Variants in SORCS3 observed in about 807,000 individuals in gnomAD.
The protein encoded by SORCS3 is sortilin related VPS10 domain containing receptor 3.
Under a neutral mutation model 146.3 loss-of-function variants are expected in SORCS3, and 57 were observed. That is an observed-to-expected ratio of 0.39 (90% CI 0.31 to 0.49). SORCS3 has a LOEUF of 0.49. SORCS3 is among the 20% of genes least tolerant of loss of function. The pLI, the probability that SORCS3 is intolerant of heterozygous loss-of-function variation, is 0.92. For synonymous variants in SORCS3, 653 were observed against 618.5 expected (o/e 1.06, Z -0.83); for missense variants, 1,341 against 1,575.5 (o/e 0.85, Z 2.52).
At chr10:104,965,505 G>A (rs529132995) in intron 3 of SORCS3, among the ~76,000 whole-genome samples, 137 of 152,314 alleles carry the variant, frequency 9.0e-4, no homozygotes, top group Middle Eastern at 6.8e-3. Flanking sequence ...ACTGTTTTCT[G>A]TAGTGGCTGC....
At chr10:105,030,670 G>T (rs2055260452) in intron 4 of SORCS3, among the ~76,000 whole-genome samples, 1 of 151,110 alleles carries the variant, frequency 6.6e-6, no homozygotes, top group South Asian at 2.1e-4. Context: ...TTGGCTCACT[G>T]CAACCTCCAC....
chr10:105,210,590 C>T (rs1013925984), intron 16 of SORCS3, among the ~76,000 whole-genome samples: 3 of 152,162 alleles, frequency 2.0e-5, no homozygotes, highest in African/African-American at 7.2e-5. Flanking sequence ...TTTCTTTCTT[C>T]ATTTTATTAT....
In SORCS3 at chr10:105,247,323, C is replaced by A; in HGVS notation, c.3097C>A (p.Leu1033Met). ...KDIGNVIKRA[L>M]VKVTSVPEDQ... ...TATTGGCAATGTCATCAAGCGAGCT[C>A]TGGTTAAAGTAAGTTGGCTTTGTCT... Residue 1033 changes from leucine (L) to methionine (M), a missense_variant, in exon 22 of 27, where the codon CTG becomes ATG. Leu to Met is a conservative substitution (Grantham distance 15). Coordinates refer to ENST00000369701, the MANE Select transcript of SORCS3 (RefSeq NM_014978.3). The A allele has an allele frequency of 6.3e-7, 1 of 1,596,630 alleles. No individual in the cohort carries two copies. Among genetic ancestry groups the A allele is most frequent in the South Asian group, 1.1e-5 (1 of 90,260 alleles).
chr10:105,025,702 C>T (rs971588192), intron 4 of SORCS3, among the ~76,000 whole-genome samples: 1 of 152,044 alleles, frequency 6.6e-6, no homozygotes, highest in African/African-American at 2.4e-5. Context: ...CCCAAATAGA[C>T]TTCAGGTTCC....
chr10:104,693,047 A>T (rs1002709647), intron 1 of SORCS3, among the ~76,000 whole-genome samples: 10 of 152,216 alleles, frequency 6.6e-5, no homozygotes, highest in African/African-American at 2.2e-4. Flanking sequence ...GGCATTCCTC[A>T]TACAGTGAAG....
chr10:104,951,869 C>G (rs2019434477), intron 3 of SORCS3, among the ~76,000 whole-genome samples: 1 of 152,148 alleles, frequency 6.6e-6, no homozygotes, highest in South Asian at 2.1e-4. Context: ...TCAATAGTGT[C>G]CACTTTTGTG....
At chr10:105,032,084 C>T (rs890830806) in intron 4 of SORCS3, among the ~76,000 whole-genome samples, 6 of 152,002 alleles carry the variant, frequency 3.9e-5, no homozygotes, top group Admixed American at 3.9e-4. Context: ...CCCAGCTACT[C>T]GGGAGGCTGA....
chr10:105,211,429 G>A (rs920519864), intron 17 of SORCS3, among the ~76,000 whole-genome samples, 179 bp downstream of exon 17: 26 of 152,198 alleles, frequency 1.7e-4, no homozygotes, highest in Admixed American at 1.6e-3. Flanking sequence ...GGGAGCATCA[G>A]AAGAGATTTC....
chr10:105,119,521 A>G (rs1314730473), intron 7 of SORCS3, among the ~76,000 whole-genome samples: 1 of 152,178 alleles, frequency 6.6e-6, no homozygotes, highest in African/African-American at 2.4e-5. Context: ...TGTGCCTGGA[A>G]AAGTCACAGA....
intron 6 of SORCS3, among the ~76,000 whole-genome samples, chr10:105,091,335 C>T (rs1238009760): frequency 1.1e-5 from 1 of 92,018 alleles, no homozygotes; most frequent in East Asian, 3.7e-4. Flanking sequence ...TTCCTTGCTT[C>T]CTTCCTTCGT....
chr10:105,071,181 C>A (rs1448701623), intron 5 of SORCS3, among the ~76,000 whole-genome samples: 2 of 151,584 alleles, frequency 1.3e-5, no homozygotes, highest in Non-Finnish European at 3.0e-5. Context: ...CTGTGCCTCC[C>A]CATGGGGAGG....
chr10:105,063,486 C>A (rs1418981785), intron 5 of SORCS3, among the ~76,000 whole-genome samples: 1 of 152,210 alleles, frequency 6.6e-6, no homozygotes, highest in African/African-American at 2.4e-5. Context: ...TCCCTACTGT[C>A]TCTCTTTAAT....
chr10:105,255,113 G>A (rs1449214508), intron 23 of SORCS3, among the ~76,000 whole-genome samples: 3 of 150,594 alleles, frequency 2.0e-5, no homozygotes, highest in Non-Finnish European at 4.4e-5. Flanking sequence ...GCGTGAACCC[G>A]GGGGGGCGGA....
At chr10:104,934,491 C>T (rs2019240373) in intron 3 of SORCS3, among the ~76,000 whole-genome samples, 1 of 152,060 alleles carries the variant, frequency 6.6e-6, no homozygotes, top group Non-Finnish European at 1.5e-5. Flanking sequence ...AGCCTGGGCA[C>T]ATTTGTACAG....
chr10:105,158,921 A>G lies in SORCS3; in HGVS notation c.1659A>G (p.Gln553=). The G allele has an allele frequency of 6.2e-7, 1 of 1,612,990 alleles. No homozygotes were observed. The highest frequency in any genetic ancestry group is 8.5e-7 in the Non-Finnish European group (1 of 1,179,226). The change falls in exon 11 of 27, where the codon CAA becomes CAG. Residue 553 remains glutamine (Q), a synonymous_variant. Transcript: ENST00000369701. ...LPFCSLHLHL[Q]LSENPYSSGR... is the part of the protein sequence containing the mutation. Reference sequence around the variant, plus strand: ...TCTGTTCCTTACATCTGCACCTGCAACTCTCTGAAAATCCATATTCCTCAG... The same window carrying G: ...TCTGTTCCTTACATCTGCACCTGCAGCTCTCTGAAAATCCATATTCCTCAG...
chr10:105,230,122 G>T (rs2056758328), intron 20 of SORCS3, among the ~76,000 whole-genome samples: 1 of 152,096 alleles, frequency 6.6e-6, no homozygotes, highest in Admixed American at 6.6e-5. Flanking sequence ...TCAGGTGTCT[G>T]GGAGGAGTGC....
chr10:104,894,493 C>T (rs1004020386), intron 2 of SORCS3, among the ~76,000 whole-genome samples: 6 of 152,140 alleles, frequency 3.9e-5, no homozygotes, highest in Non-Finnish European at 8.8e-5. Context: ...AAATTTGACA[C>T]CACTCTGAAA....
intron 2 of SORCS3, among the ~76,000 whole-genome samples, chr10:104,859,263 G>A (rs1022218609): frequency 6.6e-5 from 10 of 152,072 alleles, no homozygotes; most frequent in South Asian, 4.1e-4. Flanking sequence ...AAATAATGCC[G>A]CATATCTACA....
At chr10:104,753,383 G>A (rs1447578673) in intron 1 of SORCS3, among the ~76,000 whole-genome samples, 1 of 152,218 alleles carries the variant, frequency 6.6e-6, no homozygotes, top group Non-Finnish European at 1.5e-5. Context: ...CTACATTCAT[G>A]TAGAATGATT....
Sources: gnomAD v4.1 joint callset for allele counts (sites outside exome capture counted in the v4.1 genomes callset) on GRCh38, gnomAD v4.1.1 for gene constraint, MANE v1.5 for transcripts, NCBI Gene and HGNC (gene_info 2026-07-23, HGNC 2026-07-21) for gene names.